SEM1: variants seen among roughly 807,000 people sequenced by gnomAD.
SEM1 encodes SEM1 26S proteasome subunit.
A neutral mutation model predicts 12.7 loss-of-function variants in SEM1; 3 were observed. The ratio of observed to expected loss-of-function variants is 0.24; its 90% CI spans 0.11 to 0.61. The LOEUF (loss-of-function observed/expected upper bound fraction) is 0.61. Ranked by LOEUF, SEM1 falls within the 20% of genes least tolerant of loss-of-function variation. The pLI, the probability that SEM1 is intolerant of heterozygous loss-of-function variation, is 0.88. For missense variants in SEM1, 59 were observed against 81.3 expected, an observed-to-expected ratio of 0.73 and a Z score of 1.06; for synonymous variants, 30 against 27.8, an observed-to-expected ratio of 1.08 and a Z score of -0.25.
chr7:96,484,137 G>C, intron 3 of SEM1: 1 of 776,754 alleles, frequency 1.3e-6, no homozygotes. Context: ...TAACTGTTAA[G>C]TAAGTTCCCC....
At chr7:96,644,216 G>A (rs1031940834) in intron 2 of SEM1, among the ~76,000 whole-genome samples, 3 of 152,060 alleles carry the variant, frequency 2.0e-5, no homozygotes, top group African/African-American at 7.2e-5. Context: ...TGGTGGAGGT[G>A]GGATTCCATA....
intron 2 of SEM1, among the ~76,000 whole-genome samples, chr7:96,690,149 T>C (rs927080897): frequency 2.0e-5 from 3 of 152,218 alleles, no homozygotes; most frequent in Admixed American, 6.5e-5. Context: ...TTTTATCTCA[T>C]GTTAAAATTT....
chr7:96,667,959 T>A (rs1789213734), intron 2 of SEM1, among the ~76,000 whole-genome samples: 1 of 152,180 alleles, frequency 6.6e-6, no homozygotes, highest in South Asian at 2.1e-4. Context: ...TTTTTCACAA[T>A]CCATATTTTA....
chr7:96,530,937 A>C (rs1180970347), intron 2 of SEM1, among the ~76,000 whole-genome samples: 1 of 152,046 alleles, frequency 6.6e-6, no homozygotes, highest in African/African-American at 2.4e-5. Flanking sequence ...CATGAGAGGA[A>C]GAGAAAAGGA....
downstream of SEM1, among the ~76,000 whole-genome samples, chr7:96,684,285 G>T (rs1250745919): frequency 6.6e-6 from 1 of 152,050 alleles, no homozygotes; most frequent in Non-Finnish European, 1.5e-5. Flanking sequence ...CCCCACTTTT[G>T]ATTCATTGCC....
intron 2 of SEM1, among the ~76,000 whole-genome samples, chr7:96,643,568 A>G (rs1007326255): frequency 1.3e-5 from 2 of 152,106 alleles, no homozygotes; most frequent in African/African-American, 4.8e-5. Flanking sequence ...ATGTCCATTA[A>G]TGATAGACTG....
chr7:96,557,789 C>G (rs890458725), intron 2 of SEM1, among the ~76,000 whole-genome samples: 1 of 151,954 alleles, frequency 6.6e-6, no homozygotes, highest in Non-Finnish European at 1.5e-5. Flanking sequence ...CTTCCCCCAG[C>G]CTCGCTGCCG....
intron 2 of SEM1, among the ~76,000 whole-genome samples, chr7:96,653,013 C>T (rs967222619): frequency 1.3e-5 from 2 of 152,190 alleles, no homozygotes; most frequent in South Asian, 2.1e-4. Flanking sequence ...CACTAAGCTA[C>T]ATGCTTTTCA....
At chr7:96,632,322 A>G (rs751972900) in intron 2 of SEM1, among the ~76,000 whole-genome samples, 16 of 152,216 alleles carry the variant, frequency 1.1e-4, no homozygotes, top group Non-Finnish European at 1.8e-4. Context: ...CATCAGTGAT[A>G]GCCTGGATAA....
At chr7:96,615,091 A>G (rs1443434284) in intron 2 of SEM1, among the ~76,000 whole-genome samples, 2 of 152,172 alleles carry the variant, frequency 1.3e-5, no homozygotes, top group East Asian at 1.9e-4. Flanking sequence ...TTGAGTATTA[A>G]CTAAGACTTT....
At chr7:96,540,186 A>G (rs1045808503) in intron 2 of SEM1, among the ~76,000 whole-genome samples, 21 of 151,546 alleles carry the variant, frequency 1.4e-4, no homozygotes, top group Non-Finnish European at 2.5e-4. Flanking sequence ...AAAACAACCT[A>G]ATATTTATTT....
chr7:96,595,489 G>A (rs1806968211), intron 2 of SEM1, among the ~76,000 whole-genome samples: 1 of 152,140 alleles, frequency 6.6e-6, no homozygotes, highest in Non-Finnish European at 1.5e-5. Context: ...TCCAGACAGA[G>A]TGAGACCCCA....
At chr7:96,611,510 G>A (rs1191349386) in intron 2 of SEM1, among the ~76,000 whole-genome samples, 1 of 152,290 alleles carries the variant, frequency 6.6e-6, no homozygotes, top group East Asian at 1.9e-4. Context: ...TTTGCTTAGA[G>A]TGAAGAGGAA....
At chr7:96,560,053 G>T (rs760584242) in intron 2 of SEM1, among the ~76,000 whole-genome samples, 1 of 152,178 alleles carries the variant, frequency 6.6e-6, no homozygotes, top group Non-Finnish European at 1.5e-5. Flanking sequence ...GCATAATCTA[G>T]CTTATTCTGA....
chr7:96,522,722 A>ACCCC (rs112781467), intron 2 of SEM1, among the ~76,000 whole-genome samples: 14 of 120,676 alleles, frequency 1.2e-4, no homozygotes, highest in African/African-American at 4.2e-4. Context: ...TACTAAAAAT[A>ACCCC]CCCCCCCCCC....
At chr7:96,650,630 A>AC (rs944238576) in intron 2 of SEM1, 6 of 647,838 alleles carry the variant, frequency 9.3e-6, no homozygotes, top group East Asian at 5.5e-5. Context: ...TTTAAATGAA[A>AC]CCCCCCAAGT....
chr7:96,556,599 C>G (rs537741210), intron 2 of SEM1, among the ~76,000 whole-genome samples: 2,880 of 150,380 alleles, frequency 0.019, 84 homozygotes, highest in African/African-American at 0.066. Flanking sequence ...GGTAACCCGA[C>G]CTTTCTCTCT....
At chr7:96,610,825 T>C (rs1002988809) in intron 2 of SEM1, among the ~76,000 whole-genome samples, 3 of 152,284 alleles carry the variant, frequency 2.0e-5, no homozygotes, top group Non-Finnish European at 2.9e-5. Flanking sequence ...CTGCTTATCA[T>C]TGAAGGAGTT....
intron 2 of SEM1, among the ~76,000 whole-genome samples, chr7:96,543,623 A>G (rs917141426): frequency 6.6e-5 from 10 of 151,972 alleles, no homozygotes; most frequent in African/African-American, 2.2e-4. Context: ...TTTTCTAAAT[A>G]TAGTAGTTTA....
Sources: gnomAD v4.1 joint callset for allele counts (sites outside exome capture counted in the v4.1 genomes callset) on GRCh38, gnomAD v4.1.1 for gene constraint, MANE v1.5 for transcripts, NCBI Gene and HGNC (gene_info 2026-07-23, HGNC 2026-07-21) for gene names.